KCNH7: variants seen among roughly 807,000 people sequenced by gnomAD.
The protein encoded by KCNH7 is voltage-gated inwardly rectifying potassium channel KCNH7.
KCNH7 carries 49 observed loss-of-function variants against 120.8 expected under a neutral mutation model. The ratio of observed to expected loss-of-function variants is 0.41; its 90% CI spans 0.32 to 0.51. KCNH7 has a LOEUF of 0.51. Among genes scored for constraint, KCNH7 ranks in the 20% least tolerant of loss-of-function variants. The probability of loss-of-function intolerance (pLI) is 0.38; values close to 1 mark genes in which losing one functional copy is unlikely to be tolerated. For synonymous variants in KCNH7, 547 were observed against 516.1 expected (o/e 1.06, Z -0.81); for missense variants, 1,097 against 1,446.6 (o/e 0.76, Z 3.92).
At chr2:162,442,350 C>T (rs953538741) in intron 7 of KCNH7, among the ~76,000 whole-genome samples, 1 of 151,624 alleles carries the variant, frequency 6.6e-6, no homozygotes, top group Non-Finnish European at 1.5e-5. Flanking sequence ...TTAGTAAAAA[C>T]GTATACGCCA....
rs184094917 is a variant in KCNH7 at position 162,624,634 on chromosome 2, G to C, written c.308-87554C>G. Among the ~76,000 whole-genome samples, 4 of 152,050 alleles carry C rather than the reference G, an allele frequency of 2.6e-5. No individual in the cohort carries two copies. In the East Asian group the frequency reaches 7.7e-4, roughly 29 times the overall value. ...TAGTATTCCAAAATGTAATAGACAC[G>C]TCCTTACTCATTTTAGCTATATCAT... On this transcript the variant is annotated intron_variant, in intron 2 of 15. Coordinates refer to ENST00000332142, the MANE Select transcript of KCNH7 (RefSeq NM_033272.4).
intron 2 of KCNH7, among the ~76,000 whole-genome samples, chr2:162,577,069 C>A (rs1261328510): frequency 1.3e-5 from 2 of 151,722 alleles, no homozygotes; most frequent in Non-Finnish European, 2.9e-5. Context: ...GTGCACACCA[C>A]CATGCCCAGA....
intron 2 of KCNH7, among the ~76,000 whole-genome samples, chr2:162,561,959 A>T (rs900681373): frequency 1.3e-5 from 2 of 152,158 alleles, no homozygotes; most frequent in Non-Finnish European, 2.9e-5. Context: ...CTAACACAAG[A>T]ACAGAAAACC....
At chr2:162,501,309 AC>A (rs537944374) in intron 6 of KCNH7, among the ~76,000 whole-genome samples, 1 of 152,064 alleles carries the variant, frequency 6.6e-6, no homozygotes, top group Admixed American at 6.6e-5. Flanking sequence ...AAAAGAGAGA[AC>A]TTTTATAAAA....
intron 2 of KCNH7, among the ~76,000 whole-genome samples, chr2:162,607,772 T>G (rs1682830911): frequency 6.6e-6 from 1 of 152,112 alleles, no homozygotes; most frequent in Non-Finnish European, 1.5e-5. Flanking sequence ...CAAATTATTT[T>G]CTGAATGTAA....
intron 9 of KCNH7, among the ~76,000 whole-genome samples, chr2:162,418,677 C>T (rs894089139): frequency 2.6e-5 from 4 of 152,042 alleles, no homozygotes; most frequent in Non-Finnish European, 4.4e-5. Flanking sequence ...TAGGATTAGA[C>T]TGTAGGTGCA....
intron 3 of KCNH7, among the ~76,000 whole-genome samples, chr2:162,526,785 G>A (rs1377202410): frequency 2.6e-5 from 4 of 151,888 alleles, no homozygotes; most frequent in East Asian, 2.0e-4. Context: ...CGTCCTAAGC[G>A]GACATACATC....
chr2:162,442,938 A>G (rs1688472051), intron 7 of KCNH7, among the ~76,000 whole-genome samples: 1 of 152,166 alleles, frequency 6.6e-6, no homozygotes, highest in Non-Finnish European at 1.5e-5. Context: ...GTACTTATGC[A>G]TTTATTTATG....
intron 6 of KCNH7, among the ~76,000 whole-genome samples, chr2:162,484,205 C>T (rs1397329654): frequency 1.3e-5 from 2 of 150,956 alleles, no homozygotes. Context: ...CTGACCTAAA[C>T]AAGTTGAGTC....
Position 162,442,721 on chromosome 2 carries a change from G to C in KCNH7, c.1554+3297C>G, listed in dbSNP as rs560783981. ...AAAATATGAAAATTAGCCGGGTATG[G>C]TGGTGTCTGCCTGTAGTCCCAGCTC... is the stretch of plus-strand genomic sequence containing the variant. On this transcript the variant is annotated intron_variant, in intron 7 of 15. Coordinates refer to ENST00000332142, the MANE Select transcript of KCNH7 (RefSeq NM_033272.4). 1.2e-4 allele frequency among the ~76,000 whole-genome samples: 19 copies of C among 152,154 alleles called. 1 individual carries two copies. In the Middle Eastern group the frequency reaches 0.02, roughly 163 times the overall value.
chr2:162,674,399 A>G (rs897994012), intron 2 of KCNH7, among the ~76,000 whole-genome samples: 4 of 151,772 alleles, frequency 2.6e-5, no homozygotes, highest in Non-Finnish European at 5.9e-5. Context: ...GAAAAAGTCA[A>G]TATCTTCATT....
At chr2:162,779,906 T>C (rs1315781525) in intron 2 of KCNH7, among the ~76,000 whole-genome samples, 1 of 152,182 alleles carries the variant, frequency 6.6e-6, no homozygotes, top group East Asian at 1.9e-4. Flanking sequence ...CCCCTCTCAA[T>C]TGCCTCCACT....
At chr2:162,595,254 A>C (rs1388770250) in intron 2 of KCNH7, among the ~76,000 whole-genome samples, 3 of 151,948 alleles carry the variant, frequency 2.0e-5, no homozygotes, top group Non-Finnish European at 2.9e-5. Context: ...GAAATTCCAG[A>C]AATGCTTGTA....
At position 162,613,953 on chromosome 2, in the gene KCNH7, G is replaced by GTT. The variant is rs201679969; in HGVS notation, c.308-76875_308-76874dup. On this transcript the variant is annotated intron_variant, in intron 2 of 15. Transcript: ENST00000332142. The stretch of plus-strand genomic sequence containing the variant: ...TAAATAATCCTTCCCCAAAGAGAAA[G>GTT]TTTTTTTTTTTTTAATATAAACAGA... Among the ~76,000 whole-genome samples the GTT allele has an allele frequency of 1.3e-3, 185 of 143,220 alleles. 1 individual carries two copies. The highest frequency in any genetic ancestry group is 3.3e-3 in the African/African-American group (121 of 37,226). The allele number at this position is 143,220 out of a possible 152,430, so 94.0% of individuals were successfully genotyped here.
intron 2 of KCNH7, among the ~76,000 whole-genome samples, chr2:162,729,605 G>C (rs1426016289): frequency 2.6e-5 from 4 of 151,948 alleles, no homozygotes; most frequent in Non-Finnish European, 4.4e-5. Flanking sequence ...TTTCCAACCT[G>C]CATACTTTTA....
rs750660182 is a variant in KCNH7, at chr2:162,446,033, T to C, written c.1539A>G (p.Gly513=). The C allele has an allele frequency of 6.2e-6, 10 of 1,612,998 alleles. No homozygotes were observed. Among genetic ancestry groups the C allele is most frequent in the Non-Finnish European group, 8.5e-6 (10 of 1,179,514 alleles). Residue 513 remains glycine (G), a synonymous_variant, in exon 7 of 16, where the codon GGA becomes GGG. Coordinates refer to ENST00000332142, the MANE Select transcript of KCNH7 (RefSeq NM_033272.4). ...AAIPFDLLIF[G]SGSDETTTLI... is the part of the protein sequence containing the mutation. ...CAGTTCTTACCTCATCAGAACCTGA[T>C]CCAAAAATCAGCAAGTCAAAAGGAA...
chr2:162,377,442 A>G (rs1173380834), intron 14 of KCNH7, among the ~76,000 whole-genome samples: 2 of 152,238 alleles, frequency 1.3e-5, no homozygotes, highest in Non-Finnish European at 2.9e-5. Flanking sequence ...GTATGCACTC[A>G]TTCTGAGAGG....
chr2:162,548,509 G>A (rs1380475744), intron 2 of KCNH7, among the ~76,000 whole-genome samples: 34 of 152,108 alleles, frequency 2.2e-4, no homozygotes, highest in Non-Finnish European at 2.9e-5. Flanking sequence ...AAAGTAACAG[G>A]GTAATGACTG....
chr2:162,554,020 C>T (rs1346492961), intron 2 of KCNH7, among the ~76,000 whole-genome samples: 4 of 152,170 alleles, frequency 2.6e-5, no homozygotes, highest in Admixed American at 2.0e-4. Context: ...GACATTTCCT[C>T]CCATGCCTGG....
Sources: allele counts gnomAD v4.1 joint callset (sites outside exome capture counted in the v4.1 genomes callset), GRCh38; gene constraint gnomAD v4.1.1; transcripts MANE v1.5; gene names NCBI Gene and HGNC (gene_info 2026-07-23, HGNC 2026-07-21).